Variants in TENM4 observed in about 807,000 individuals in gnomAD.
The protein encoded by TENM4 is teneurin-4.
In TENM4, 82 loss-of-function variants were observed where a neutral mutation model predicts 243.3. The observed-to-expected ratio is 0.34, with a 90% CI of 0.28 to 0.40. The LOEUF (loss-of-function observed/expected upper bound fraction) is 0.40, where lower values mean the gene tolerates loss of function less well. TENM4 is among the 10% of genes least tolerant of loss of function. The pLI, the probability that TENM4 is intolerant of heterozygous loss-of-function variation, is 1.00. For missense variants in TENM4, 3,138 were observed against 3,673.3 expected, an observed-to-expected ratio of 0.85 and a Z score of 3.77; for synonymous variants, 1,412 against 1,456.3, an observed-to-expected ratio of 0.97 and a Z score of 0.69.
chr11:79,106,340 C>T (rs143983568), intron 4 of TENM4, among the ~76,000 whole-genome samples: 1 of 152,338 alleles, frequency 6.6e-6, no homozygotes, highest in Non-Finnish European at 1.5e-5. Context: ...GGAAGCCCAG[C>T]CTAGTGGAAA....
chr11:79,305,854 A>G (rs1419636176), intron 1 of TENM4, among the ~76,000 whole-genome samples: 3 of 152,190 alleles, frequency 2.0e-5, no homozygotes, highest in African/African-American at 2.4e-5. Context: ...TTCATTTGTG[A>G]AGCCACTGGT....
chr11:79,058,239 C>G (rs971430722), intron 6 of TENM4, among the ~76,000 whole-genome samples: 2 of 152,140 alleles, frequency 1.3e-5, no homozygotes, highest in African/African-American at 4.8e-5. Flanking sequence ...GACTGTAGAA[C>G]ACGGTGGTCA....
intron 26 of TENM4, among the ~76,000 whole-genome samples, chr11:78,711,555 C>T (rs1859396602): frequency 6.6e-6 from 1 of 152,130 alleles, no homozygotes; most frequent in South Asian, 2.1e-4. Flanking sequence ...TAGAATGTTT[C>T]TACAGGTTAT....
chr11:78,731,725 T>C (rs766075708), intron 21 of TENM4, among the ~76,000 whole-genome samples: 2 of 152,240 alleles, frequency 1.3e-5, no homozygotes, highest in Non-Finnish European at 2.9e-5. Flanking sequence ...TACTTTCTTT[T>C]AATGATAGTT....
chr11:79,250,267 G>A (rs537818152), intron 2 of TENM4, among the ~76,000 whole-genome samples: 57 of 152,360 alleles, frequency 3.7e-4, no homozygotes, highest in African/African-American at 1.1e-3. Context: ...GATTACAGGC[G>A]TGAGCCACCA....
chr11:78,777,280 G>A (rs993634960), intron 17 of TENM4, among the ~76,000 whole-genome samples: 3 of 152,118 alleles, frequency 2.0e-5, no homozygotes, highest in African/African-American at 7.2e-5. Flanking sequence ...GAAATATGAA[G>A]ACCCTTGCTC....
intron 1 of TENM4, among the ~76,000 whole-genome samples, chr11:79,420,108 G>A (rs1218496414): frequency 6.6e-6 from 1 of 152,122 alleles, no homozygotes; most frequent in Non-Finnish European, 1.5e-5. Flanking sequence ...GCTTATCTTT[G>A]TCTTTTAGCT....
At chr11:79,356,180 CCT>C (rs1857493793) in intron 1 of TENM4, among the ~76,000 whole-genome samples, 1 of 152,150 alleles carries the variant, frequency 6.6e-6, no homozygotes, top group Non-Finnish European at 1.5e-5. Flanking sequence ...AAGGAGAGGA[CCT>C]AGAACTTCTC....
At chr11:78,801,354 C>T (rs571661347) in intron 15 of TENM4, among the ~76,000 whole-genome samples, 1 of 152,330 alleles carries the variant, frequency 6.6e-6, no homozygotes, top group South Asian at 2.1e-4. Flanking sequence ...GGCCTATGTC[C>T]TGTGCTCTTC....
At chr11:79,111,148 G>A (rs893863522) in intron 4 of TENM4, among the ~76,000 whole-genome samples, 5 of 152,114 alleles carry the variant, frequency 3.3e-5, no homozygotes, top group Admixed American at 1.3e-4. Context: ...AACCCCTTTC[G>A]CTTGCTCCCA....
At chr11:79,038,001 C>A (rs1859429707) in intron 6 of TENM4, among the ~76,000 whole-genome samples, 1 of 152,208 alleles carries the variant, frequency 6.6e-6, no homozygotes, top group South Asian at 2.1e-4. Context: ...TTTTATGAAA[C>A]ATCTCCAGGG....
At chr11:79,010,625 G>C (rs920650823) in intron 6 of TENM4, among the ~76,000 whole-genome samples, 2 of 152,174 alleles carry the variant, frequency 1.3e-5, no homozygotes, top group African/African-American at 4.8e-5. Context: ...AGGCAAAGAA[G>C]AGCTGTGCAG....
intron 3 of TENM4, among the ~76,000 whole-genome samples, chr11:79,187,941 T>C (rs1863408462): frequency 6.6e-6 from 1 of 152,238 alleles, no homozygotes; most frequent in South Asian, 2.1e-4. Context: ...CAGTCTGTGC[T>C]ACTTTGTTAT....
chr11:79,161,555 G>C (rs141921762), intron 3 of TENM4, among the ~76,000 whole-genome samples: 69 of 152,148 alleles, frequency 4.5e-4, no homozygotes, highest in Non-Finnish European at 9.4e-4. Flanking sequence ...CTGCAGTGAT[G>C]TGTGTCCCCA....
intron 6 of TENM4, among the ~76,000 whole-genome samples, chr11:78,948,461 G>A (rs188313912): frequency 8.1e-5 from 12 of 148,342 alleles, no homozygotes; most frequent in East Asian, 8.0e-4. Context: ...TGCAAGCTCC[G>A]TCTCCCGGGT....
At chr11:79,253,444 T>C (rs947981450) in intron 2 of TENM4, among the ~76,000 whole-genome samples, 2 of 152,208 alleles carry the variant, frequency 1.3e-5, no homozygotes, top group Non-Finnish European at 2.9e-5. Flanking sequence ...CTCCTTGGCA[T>C]GCTGATGATC....
At chr11:78,735,838 ACCCCT>A (rs71046996) in intron 20 of TENM4, among the ~76,000 whole-genome samples, 1 of 131,836 alleles carries the variant, frequency 7.6e-6, no homozygotes, top group Non-Finnish European at 1.6e-5. Context: ...CTTGGCTCCC[ACCCCT>A]CCCCTCCCCT....
intron 6 of TENM4, among the ~76,000 whole-genome samples, chr11:78,988,070 C>T (rs1857958553): frequency 6.6e-6 from 1 of 152,126 alleles, no homozygotes; most frequent in African/African-American, 2.4e-5. Context: ...ACCTGTGATA[C>T]CAATAGGATA....
intron 9 of TENM4, among the ~76,000 whole-genome samples, chr11:78,879,673 G>A (rs1372294561): frequency 6.7e-6 from 1 of 149,446 alleles, no homozygotes; most frequent in African/African-American, 2.5e-5. Flanking sequence ...TCTGGGAGGT[G>A]AGGAGCGCCT....
Sources: gnomAD v4.1 joint callset for allele counts (sites outside exome capture counted in the v4.1 genomes callset) on GRCh38, gnomAD v4.1.1 for gene constraint, MANE v1.5 for transcripts, NCBI Gene and HGNC (gene_info 2026-07-23, HGNC 2026-07-21) for gene names.